Variants in KAT6A observed in about 807,000 individuals in gnomAD.
KAT6A encodes the protein lysine acetyltransferase 6A.
A neutral mutation model predicts 198.4 loss-of-function variants in KAT6A; 9 were observed. The ratio of observed to expected loss-of-function variants is 0.05; its 90% confidence interval spans 0.03 to 0.08. The LOEUF (loss-of-function observed/expected upper bound fraction) is 0.08. KAT6A is among the 10% of genes least tolerant of loss of function. KAT6A has a pLI of 1.00. For synonymous variants in KAT6A, 890 were observed against 883.0 expected (o/e 1.01, Z -0.14); for missense variants, 2,077 against 2,509.9 (o/e 0.83, Z 3.69).
rs767346091 is a variant in KAT6A, at chr8:42,048,930, G to A, written c.48C>T (p.Ala16=). The A allele has an allele frequency of 5.6e-6, 9 of 1,613,732 alleles. No homozygotes were observed. The highest frequency in any genetic ancestry group is 7.6e-6 in the Non-Finnish European group (9 of 1,179,962). Residue 16 remains alanine, a synonymous_variant, in exon 2 of 17, where the codon GCC becomes GCT. Coordinates refer to ENST00000265713, the MANE Select transcript of KAT6A (RefSeq NM_006766.5). ...GTTTCTGCTTTTTCACTTTTTTGAT[G>A]GCCTCCAAAATCCACTCAGTATAAA... The part of the protein sequence containing the change: ...NPLYTEWILE[A]IKKVKKQKQR...
At chr8:42,038,157 T>C (rs1827469614) in intron 2 of KAT6A, among the ~76,000 whole-genome samples, 1 of 152,188 alleles carries the variant, frequency 6.6e-6, no homozygotes, top group Non-Finnish European at 1.5e-5. Context: ...CAGAGGTCAT[T>C]TGTGTTGCAG....
At position 41,934,630 on chromosome 8, in the gene KAT6A, TTAGGAA is replaced by T. The variant is rs2150857011; in HGVS notation, c.3584_3589del (p.Ile1195_Pro1196del). 6.2e-7 allele frequency: 1 copy of T among 1,614,096 alleles called. No homozygotes were observed. Among genetic ancestry groups the T allele is most frequent in the East Asian group, 2.2e-5 (1 of 44,858 alleles). ...CTGGATCTTGGGTTTACGTCCAGCT[TTAGGAA>T]TGGAAACGATGGGCTCAATGACGCA... On this transcript the variant is annotated inframe_deletion, in exon 17 of 17. Transcript: ENST00000265713.
At chr8:41,935,950 C>T (rs530154699) in intron 16 of KAT6A, among the ~76,000 whole-genome samples, 38 of 152,328 alleles carry the variant, frequency 2.5e-4, no homozygotes, top group African/African-American at 8.9e-4. Context: ...AGAACACATT[C>T]ATCTTATCAC....
At position 42,049,089 on chromosome 8, in the gene KAT6A, A is replaced by G; in HGVS notation, c.-112T>C. The stretch of plus-strand genomic sequence containing the variant: ...AGGCTGGGAACCAGTTAACCATAGC[A>G]TATGAGTTTTCTGGCCTAAGTCCTT... On this transcript the variant is annotated 5_prime_UTR_variant, in exon 2 of 17. It removes an upstream start codon present in the reference 5' UTR. Coordinates refer to ENST00000265713, the MANE Select transcript of KAT6A (RefSeq NM_006766.5). 8.5e-7 allele frequency: 1 copy of G among 1,177,574 alleles called. No individual in the cohort carries two copies. Among genetic ancestry groups the G allele is most frequent in the Non-Finnish European group, 1.2e-6 (1 of 839,984 alleles). The allele number at this position is 1,177,574 out of a possible 1,614,324, so 72.9% of individuals were successfully genotyped here. A position where few individuals can be genotyped will look rare whatever the true frequency, so the allele number is the denominator to read the frequency against.
At chr8:42,009,184 A>G (rs1190243975) in intron 2 of KAT6A, among the ~76,000 whole-genome samples, 2 of 152,220 alleles carry the variant, frequency 1.3e-5, no homozygotes, top group African/African-American at 4.8e-5. Flanking sequence ...CAGTTAGTTA[A>G]CTACAATGTG....
chr8:42,028,452 CT>C (rs1460121146), intron 2 of KAT6A, among the ~76,000 whole-genome samples: 1 of 152,204 alleles, frequency 6.6e-6, no homozygotes, highest in South Asian at 2.1e-4. Context: ...GTTATATCCT[CT>C]TGCTGTACTG....
intron 2 of KAT6A, among the ~76,000 whole-genome samples, chr8:41,991,699 A>C (rs1411088146): frequency 6.6e-6 from 1 of 152,212 alleles, no homozygotes; most frequent in Non-Finnish European, 1.5e-5. Flanking sequence ...AGTGATTTGG[A>C]CATTAAAGTT....
In KAT6A at chr8:42,015,022, C is replaced by T. The variant is rs117251554; in HGVS notation, c.601-27459G>A. 3.6e-3 allele frequency among the ~76,000 whole-genome samples: 547 copies of T among 152,264 alleles called. 3 individuals are homozygous for T. Among genetic ancestry groups the T allele is most frequent in the Non-Finnish European group, 6.0e-3 (407 of 68,018 alleles). On this transcript the variant is annotated intron_variant, in intron 2 of 16. Transcript: ENST00000265713. ...TCAACTACTCCTCATCTTTAAGCCTCCAGAAACACTATTTCAAATGGGATA... is the reference window on the plus strand; with the variant it reads ...TCAACTACTCCTCATCTTTAAGCCTTCAGAAACACTATTTCAAATGGGATA...
At chr8:42,008,640 T>C (rs1281811974) in intron 2 of KAT6A, among the ~76,000 whole-genome samples, 1 of 152,068 alleles carries the variant, frequency 6.6e-6, no homozygotes, top group Non-Finnish European at 1.5e-5. Context: ...ACACTGCGCC[T>C]GGCCCCTCGA....
Position 41,932,554 on chromosome 8 carries a change from C to A in KAT6A, c.5666G>T (p.Arg1889Leu). 6.2e-7 allele frequency: 1 copy of A among 1,614,216 alleles called. No individual in the cohort carries two copies. Among genetic ancestry groups the A allele is most frequent in the East Asian group, 2.2e-5 (1 of 44,888 alleles). Residue 1889 changes from arginine to leucine, a missense_variant, in exon 17 of 17, where the codon CGC becomes CTC. This residue lies in a region of KAT6A where 500 missense variants were observed against 577.2 expected (regional missense o/e 0.87). Transcript: ENST00000265713. ...CATGCCACGCTGAACAGCCAGTGCG[C>A]GAGGGCCAGCCTGCATGGCAACTGC... Reference protein sequence around the residue: ...PSAVAMQAGPRALAVQRGMNM... With the variant: ...PSAVAMQAGPLALAVQRGMNM...
At chr8:41,937,147 C>A in intron 16 of KAT6A, 109 bp downstream of exon 16, 1 of 782,786 alleles carries the variant, frequency 1.3e-6, no homozygotes, top group South Asian at 1.9e-5. Flanking sequence ...CCTTTTCTTG[C>A]TTAGTGGGTT....
intron 2 of KAT6A, among the ~76,000 whole-genome samples, chr8:42,035,300 AG>A (rs1329128795): frequency 6.6e-6 from 1 of 152,238 alleles, no homozygotes; most frequent in East Asian, 1.9e-4. Flanking sequence ...AGCCGGTTAA[AG>A]GAAGTTGATA....
At chr8:41,949,423 C>G in intron 9 of KAT6A, 60 bp from the exon 10 acceptor site, 1 of 1,267,748 alleles carries the variant, frequency 7.9e-7, no homozygotes, top group East Asian at 2.8e-5. Context: ...CTTCAAACTT[C>G]CACAATTATC....
chr8:41,966,355 C>CAGTACAATAGTACAATA (rs1823489009), intron 8 of KAT6A, among the ~76,000 whole-genome samples: 1 of 152,024 alleles, frequency 6.6e-6, no homozygotes, highest in Admixed American at 6.6e-5. Flanking sequence ...AGAGTTAGTA[C>CAGTACAATAGTACAATA]AGTACAATAG....
At chr8:41,937,672 G>T in intron 15 of KAT6A, 104 bp from the exon 16 acceptor site, 1 of 888,598 alleles carries the variant, frequency 1.1e-6, no homozygotes, top group Admixed American at 3.1e-5. Context: ...CATATAAAAT[G>T]AGGATGTTGT....
intron 2 of KAT6A, among the ~76,000 whole-genome samples, chr8:42,004,622 G>A (rs993373125): frequency 2.6e-5 from 4 of 152,000 alleles, no homozygotes; most frequent in African/African-American, 9.7e-5. Context: ...AATGCTGATC[G>A]ACAGTTAAAA....
chr8:41,947,554 A>C (rs559333396), intron 11 of KAT6A, among the ~76,000 whole-genome samples, 197 bp downstream of exon 11: 1 of 152,324 alleles, frequency 6.6e-6, no homozygotes, highest in South Asian at 2.1e-4. Flanking sequence ...CCATAATCCT[A>C]GGAGAATATA....
chr8:42,046,856 T>C (rs79125012), intron 2 of KAT6A, among the ~76,000 whole-genome samples: 15,914 of 152,218 alleles, frequency 0.1, 1,064 homozygotes, highest in East Asian at 0.24. Context: ...TCTCTATCAA[T>C]TCATGACTGT....
chr8:42,009,007 C>T (rs966910061), intron 2 of KAT6A, among the ~76,000 whole-genome samples: 4 of 152,092 alleles, frequency 2.6e-5, no homozygotes, highest in African/African-American at 9.7e-5. Flanking sequence ...AATGACTCTG[C>T]ATACACAGCA....
Sources: allele counts gnomAD v4.1 joint callset (sites outside exome capture counted in the v4.1 genomes callset), GRCh38; gene constraint gnomAD v4.1.1; regional missense constraint gnomAD v4.1.1; transcripts MANE v1.5; gene names NCBI Gene and HGNC (gene_info 2026-07-23, HGNC 2026-07-21).